Variants in PLEKHM2 observed in about 807,000 individuals in gnomAD.
PLEKHM2 encodes the protein pleckstrin homology and RUN domain containing M2.
A neutral mutation model predicts 116.3 loss-of-function variants in PLEKHM2; 77 were observed. The ratio of observed to expected loss-of-function variants is 0.66; its 90% confidence interval spans 0.55 to 0.80. The LOEUF (loss-of-function observed/expected upper bound fraction) is 0.80. PLEKHM2 is among the 30% of genes least tolerant of loss of function. PLEKHM2 has a pLI of 0.00. For missense variants in PLEKHM2, 1,183 were observed against 1,354.9 expected, an observed-to-expected ratio of 0.87 and a Z score of 1.99; for synonymous variants, 562 against 571.0, an observed-to-expected ratio of 0.98 and a Z score of 0.22.
Position 15,718,536 on chromosome 1 carries a change from A to G in PLEKHM2, c.378-2A>G. ...ACCATCGTGGCTTCTCATGTCTTGC[A>G]GGAATGCCCTGGTCTGCAGCCACGA... is the stretch of plus-strand genomic sequence containing the variant. On this transcript the variant is annotated splice_acceptor_variant, in intron 4 of 19. Transcript: ENST00000375799. LOFTEE classifies it high-confidence loss of function. 1 of 1,558,232 alleles carries G rather than the reference A, an allele frequency of 6.4e-7. No individual in the cohort carries two copies. The highest frequency in any genetic ancestry group is 8.7e-7 in the Non-Finnish European group (1 of 1,146,454).
At chr1:15,697,960 C>A (rs769081427) in intron 1 of PLEKHM2, among the ~76,000 whole-genome samples, 42 of 152,188 alleles carry the variant, frequency 2.8e-4, no homozygotes, top group Non-Finnish European at 5.9e-4. Context: ...GCAAAGAAAC[C>A]TGTGCAATTA....
At chr1:15,706,803 C>T (rs1249643780) in intron 1 of PLEKHM2, among the ~76,000 whole-genome samples, 1 of 152,102 alleles carries the variant, frequency 6.6e-6, no homozygotes, top group African/African-American at 2.4e-5. Flanking sequence ...TCCCTGATGC[C>T]GTATTATACA....
chr1:15,731,857 C>G, intron 16 of PLEKHM2, 32 bp from the exon 17 acceptor site: 1 of 1,591,438 alleles, frequency 6.3e-7, no homozygotes. Context: ...CTTGCCTCCT[C>G]GCTCCCGTTT....
chr1:15,732,548 C>A lies in PLEKHM2; in HGVS notation c.2805+19C>A. 1.9e-6 allele frequency: 3 copies of A among 1,606,472 alleles called. No homozygotes were observed. The South Asian group carries it at 3.3e-5, about 18-fold the overall frequency. On this transcript the variant is annotated intron_variant, in intron 18 of 19. Transcript: ENST00000375799. ...CGTCTTGGTGAGCTTTGAGTGGGGGCGGGGCTGCAAGGCCTGCAGAAGGAA... is the reference window on the plus strand; with the variant it reads ...CGTCTTGGTGAGCTTTGAGTGGGGGAGGGGCTGCAAGGCCTGCAGAAGGAA...
At position 15,684,502 on chromosome 1, in the gene PLEKHM2, C is replaced by T; in HGVS notation, c.-57C>T. The T allele has an allele frequency of 2.2e-6, 2 of 927,092 alleles. No homozygotes were observed. The highest frequency in any genetic ancestry group is 2.5e-6 in the Non-Finnish European group (2 of 789,802). The allele number at this position is 927,092 out of a possible 1,614,324, so 57.4% of individuals were successfully genotyped here. A position where few individuals can be genotyped will look rare whatever the true frequency, so the allele number is the denominator to read the frequency against. On this transcript the variant is annotated 5_prime_UTR_variant, in exon 1 of 20. Coordinates refer to ENST00000375799, the MANE Select transcript of PLEKHM2 (RefSeq NM_015164.4). ...GGCCCCCGGCCCCCGGCGCGGGAAG[C>T]GGCGGCGGGGCGGCGGCGGCGGTGG...
At chr1:15,699,562 T>C (rs929068325) in intron 1 of PLEKHM2, among the ~76,000 whole-genome samples, 1 of 152,244 alleles carries the variant, frequency 6.6e-6, no homozygotes, top group Admixed American at 6.5e-5. Flanking sequence ...ATGGTGTATA[T>C]GTGCCACATT....
chr1:15,721,238 A>C lies in PLEKHM2; in HGVS notation c.653-91A>C. ...AGTTTTCCTCTCCTATTTTCTCCCC[A>C]TGTCTCCCACCCCATTTCCCCTCCC... On this transcript the variant is annotated intron_variant, in intron 6 of 19. Coordinates refer to ENST00000375799, the MANE Select transcript of PLEKHM2 (RefSeq NM_015164.4). The surrounding 1 kb of genome is among the most constrained non-coding windows in gnomAD (Gnocchi z 5.1). The C allele has an allele frequency of 1.4e-6, 1 of 730,554 alleles. No individual in the cohort carries two copies. The highest frequency in any genetic ancestry group is 2.4e-6 in the Non-Finnish European group (1 of 414,346). The allele number at this position is 730,554 out of a possible 1,614,324, so 45.3% of individuals were successfully genotyped here.
At chr1:15,688,293 G>A (rs1389593821) in intron 1 of PLEKHM2, among the ~76,000 whole-genome samples, 1 of 152,180 alleles carries the variant, frequency 6.6e-6, no homozygotes, top group Non-Finnish European at 1.5e-5. Flanking sequence ...GTTCTGATAT[G>A]GACACAGAAT....
At chr1:15,722,426 G>A (rs188115097) in intron 7 of PLEKHM2, among the ~76,000 whole-genome samples, 1 of 152,304 alleles carries the variant, frequency 6.6e-6, no homozygotes, top group East Asian at 1.9e-4. Context: ...TTACAGGCAT[G>A]AACCACTGCA....
chr1:15,733,766 C>T (rs748436443), intron 19 of PLEKHM2, 31 bp from the exon 20 acceptor site: 29 of 1,607,260 alleles, frequency 1.8e-5, no homozygotes, highest in African/African-American at 4.0e-5. Context: ...CCTCAGTGGC[C>T]CTCATCTGTT....
Position 15,727,247 on chromosome 1 carries a change from G to A in PLEKHM2, c.1175G>A (p.Gly392Asp), listed in dbSNP as rs964666781. The change falls in exon 9 of 20, where the codon GGC (glycine) becomes GAC (aspartate). Residue 392 changes from glycine (G) to aspartate (D), a missense_variant. Physicochemically the swap from Gly to Asp is moderately conservative, Grantham distance 94. Transcript: ENST00000375799. This position sits in a 1 kb window ranked among gnomAD's most constrained non-coding sequence, Gnocchi z 7.5. ...GAGAGCAGCGAGCGCTCCGAGCCGG[G>A]CCTGCTGATCCCTGAGATGAAGGAC... Reference protein sequence around the residue: ...TTESSERSEPGLLIPEMKDTS... With the variant: ...TTESSERSEPDLLIPEMKDTS... The A allele has an allele frequency of 1.2e-6, 2 of 1,605,030 alleles. No homozygotes were observed. Among genetic ancestry groups the A allele is most frequent in the Non-Finnish European group, 1.7e-6 (2 of 1,176,824 alleles).
intron 14 of PLEKHM2, 79 bp from the exon 15 acceptor site, chr1:15,730,453 A>G (rs373715851): frequency 3.2e-6 from 4 of 1,240,886 alleles, no homozygotes; most frequent in African/African-American, 3.1e-5. Context: ...AAAAGAAAAA[A>G]AAAGAACCAG....
chr1:15,715,589 C>T (rs1211435352), intron 1 of PLEKHM2, among the ~76,000 whole-genome samples: 1 of 152,064 alleles, frequency 6.6e-6, no homozygotes, highest in African/African-American at 2.4e-5. Flanking sequence ...TGCAGTGAGC[C>T]GAGATCATGC....
intron 1 of PLEKHM2, among the ~76,000 whole-genome samples, chr1:15,715,876 T>A (rs1162124879): frequency 6.6e-6 from 1 of 152,216 alleles, no homozygotes; most frequent in Non-Finnish European, 1.5e-5. Context: ...GTGGCATTGG[T>A]CTAGACAGCA....
At chr1:15,705,240 G>GC (rs1422615398) in intron 1 of PLEKHM2, among the ~76,000 whole-genome samples, 1 of 137,754 alleles carries the variant, frequency 7.3e-6, no homozygotes, top group African/African-American at 2.8e-5. Context: ...GTGCAGTGGT[G>GC]CAATCTTGGC....
At position 15,734,594 on chromosome 1, in the gene PLEKHM2, G is replaced by C. The variant is rs1038874394; in HGVS notation, c.*660G>C. 2 of 152,470 alleles carry C rather than the reference G, an allele frequency of 1.3e-5. No homozygotes were observed. The highest frequency in any genetic ancestry group is 2.9e-5 in the Non-Finnish European group (2 of 68,312). The allele number at this position is 152,470 out of a possible 1,614,324, so 9.4% of individuals were successfully genotyped here. ...CCGAGGAGCAAAGGGGGTGGATGGG[G>C]GGCTTGGAGAAGGGCGGAGCCCACC... On this transcript the variant is annotated 3_prime_UTR_variant, in exon 20 of 20. Coordinates refer to ENST00000375799, the MANE Select transcript of PLEKHM2 (RefSeq NM_015164.4).
At chr1:15,732,824 C>G in intron 19 of PLEKHM2, 96 bp downstream of exon 19, 1 of 843,252 alleles carries the variant, frequency 1.2e-6, no homozygotes, top group South Asian at 1.6e-5. Flanking sequence ...AGGACTTGGC[C>G]CTGCCTCCAG....
chr1:15,732,000 C>G lies in PLEKHM2; in HGVS notation c.2577C>G (p.Ala859=), dbSNP rs369860859. Reference sequence around the variant, plus strand: ...TGGAGCTAAGTGCCGAGAGCGAGGCCGAGATGGCCGAGTGGATGCAGCATC... The same window carrying G: ...TGGAGCTAAGTGCCGAGAGCGAGGCGGAGATGGCCGAGTGGATGCAGCATC... ...PCLELSAESE[A]EMAEWMQHLC... Residue 859 remains alanine, a synonymous_variant, in exon 17 of 20, where the codon GCC becomes GCG. Coordinates refer to ENST00000375799, the MANE Select transcript of PLEKHM2 (RefSeq NM_015164.4). 1.4e-5 allele frequency: 22 copies of G among 1,612,296 alleles called. No homozygotes were observed. Among genetic ancestry groups the G allele is most frequent in the Non-Finnish European group, 1.9e-5 (22 of 1,179,686 alleles).
Position 15,719,828 on chromosome 1 carries a change from A to G in PLEKHM2, c.560A>G (p.His187Arg). The G allele has an allele frequency of 6.2e-7, 1 of 1,613,854 alleles. No homozygotes were observed. Residue 187 changes from histidine (H) to arginine (R), a missense_variant, in exon 6 of 20, where the codon CAC (histidine) becomes CGC (arginine). By Grantham distance (29) the His-to-Arg change is conservative (BLOSUM62 0). Around this residue, in one of 3 missense-constraint regions of PLEKHM2, gnomAD observed 217 missense variants for 277.6 expected, o/e 0.78. Coordinates refer to ENST00000375799, the MANE Select transcript of PLEKHM2 (RefSeq NM_015164.4). The surrounding 1 kb of genome is among the most constrained non-coding windows in gnomAD (Gnocchi z 4.1). ...DFEDRLPSSV[H>R]GSDSLSLNSF... is the part of the protein sequence containing the mutation. Reference sequence around the variant, plus strand: ...GAAGACCGCCTTCCCAGCTCGGTCCACGGCTCAGACAGTCTGTCCCTCAAC... The same window carrying G: ...GAAGACCGCCTTCCCAGCTCGGTCCGCGGCTCAGACAGTCTGTCCCTCAAC...
Sources: allele counts gnomAD v4.1 joint callset (sites outside exome capture counted in the v4.1 genomes callset), GRCh38; gene constraint gnomAD v4.1.1; regional missense constraint gnomAD v4.1.1; non-coding constraint Gnocchi (gnomAD v3.1); transcripts MANE v1.5; gene names NCBI Gene and HGNC (gene_info 2026-07-23, HGNC 2026-07-21).